CCDC180: variants seen among roughly 807,000 people sequenced by gnomAD.
CCDC180 encodes coiled-coil domain containing 180, also known as coiled-coil domain-containing protein 180.
CCDC180 carries 154 observed loss-of-function variants against 209.2 expected under a neutral mutation model. The observed-to-expected ratio is 0.74, with a 90% CI of 0.65 to 0.84. The LOEUF is 0.84. Among genes scored for constraint, CCDC180 ranks in the 40% least tolerant of loss-of-function variants. The pLI is 0.00. For synonymous variants in CCDC180, 778 were observed against 749.1 expected, an observed-to-expected ratio of 1.04 and a Z score of -0.63; for missense variants, 1,874 against 1,997.3, an observed-to-expected ratio of 0.94 and a Z score of 1.18.
chr9:97,335,433 G>C (rs1224068251), intron 18 of CCDC180, among the ~76,000 whole-genome samples: 1 of 152,012 alleles, frequency 6.6e-6, no homozygotes, highest in African/African-American at 2.4e-5. Context: ...ACAGTGTTTG[G>C]TTTTCTATCC....
At chr9:97,343,882 C>A (rs994445383) in intron 19 of CCDC180, among the ~76,000 whole-genome samples, 2 of 152,164 alleles carry the variant, frequency 1.3e-5, no homozygotes, top group African/African-American at 4.8e-5. Context: ...CATCTGTAAT[C>A]ATAGGCTTCT....
chr9:97,330,300 CTT>C lies in CCDC180; in HGVS notation c.1829-20_1829-19del, dbSNP rs1239844512. The C allele has an allele frequency of 3.1e-6, 5 of 1,612,470 alleles. No individual in the cohort carries two copies. The highest frequency in any genetic ancestry group is 4.2e-6 in the Non-Finnish European group (5 of 1,179,088). ...CATCAGTAAATTGTCTCTCCTTGTG[CTT>C]TGGTGTTTATCATCAACAGAAGCAC... is the stretch of plus-strand genomic sequence containing the variant. On this transcript the variant is annotated intron_variant, in intron 17 of 36. Coordinates refer to ENST00000529487, the MANE Select transcript of CCDC180 (RefSeq NM_020893.6).
At chr9:97,363,650 C>T (rs763200208) in intron 28 of CCDC180, 37 of 524,712 alleles carry the variant, frequency 7.1e-5, no homozygotes, top group East Asian at 1.1e-4. Flanking sequence ...CTGAAAATTA[C>T]GGTGTTTATA....
chr9:97,361,868 C>G lies in CCDC180; in HGVS notation c.3626C>G (p.Pro1209Arg), dbSNP rs753867448. 7.4e-6 allele frequency: 12 copies of G among 1,614,028 alleles called. No individual in the cohort carries two copies. The East Asian group carries it at 2.7e-4, about 36-fold the overall frequency. ...GTGGGGAAGCCCCTGATTGAGGACC[C>G]AGCTGTGGATGTGATCAGGAAGCTC... ...SRVGKPLIED[P>R]AVDVIRKLLQ... Residue 1209 changes from proline (P) to arginine (R), a missense_variant, in exon 27 of 37, where the codon CCA becomes CGA. Transcript: ENST00000529487.
chr9:97,376,651 C>A, intron 36 of CCDC180, 112 bp from the exon 37 acceptor site: 1 of 1,107,354 alleles, frequency 9.0e-7, no homozygotes, highest in Non-Finnish European at 1.3e-6. Flanking sequence ...GAACTCTTGC[C>A]AGTGCCTGGA....
At chr9:97,375,399 G>A in intron 35 of CCDC180, 55 bp from the exon 36 acceptor site, 1 of 1,608,262 alleles carries the variant, frequency 6.2e-7, no homozygotes, top group Non-Finnish European at 8.5e-7. Context: ...GTTGGTAGGT[G>A]GATTATGAAA....
rs760766298 is a variant in CCDC180, at chr9:97,374,592, C to G, written c.4650C>G (p.Leu1550=). The G allele has an allele frequency of 6.2e-7, 1 of 1,614,144 alleles. No homozygotes were observed. Among genetic ancestry groups the G allele is most frequent in the Non-Finnish European group, 8.5e-7 (1 of 1,180,044 alleles). ...QKLSMLIRRK[L]AGLSLKEESE... is the part of the protein sequence containing the mutation. ...TATCAATGCTCATACGAAGGAAACT[C>G]GCTGGGCTCTCCCTGAAGGAAGAGA... Residue 1550 remains leucine (L), a synonymous_variant, in exon 35 of 37, where the codon CTC becomes CTG. Coordinates refer to ENST00000529487, the MANE Select transcript of CCDC180 (RefSeq NM_020893.6).
intron 14 of CCDC180, among the ~76,000 whole-genome samples, chr9:97,325,436 C>T (rs73561841): frequency 0.027 from 4,142 of 152,136 alleles, 189 homozygotes; most frequent in African/African-American, 0.094. Context: ...GATGGTATCA[C>T]GAATCACACA....
At chr9:97,356,207 A>G (rs957112210) in intron 24 of CCDC180, among the ~76,000 whole-genome samples, 4 of 152,198 alleles carry the variant, frequency 2.6e-5, no homozygotes, top group African/African-American at 9.7e-5. Context: ...GGTTATCTGC[A>G]TAGGTCAATG....
chr9:97,318,933 T>A (rs138949305), intron 10 of CCDC180, among the ~76,000 whole-genome samples: 1 of 152,136 alleles, frequency 6.6e-6, no homozygotes, highest in Non-Finnish European at 1.5e-5. Flanking sequence ...CCATGAGCTT[T>A]GCAGTTTGGA....
chr9:97,342,400 G>A (rs758360456), intron 18 of CCDC180, among the ~76,000 whole-genome samples: 10 of 152,026 alleles, frequency 6.6e-5, no homozygotes, highest in Admixed American at 2.0e-4. Flanking sequence ...ATGATCTGCC[G>A]CCTCAGCCTC....
intron 31 of CCDC180, among the ~76,000 whole-genome samples, chr9:97,367,489 C>CA (rs915209797): frequency 1.7e-4 from 25 of 144,654 alleles, no homozygotes; most frequent in Admixed American, 5.7e-4. Flanking sequence ...TTTTCTGAGA[C>CA]AGAGTCTCAC....
chr9:97,370,524 C>G (rs1463993889), intron 32 of CCDC180, 117 bp from the exon 33 acceptor site: 2 of 1,201,100 alleles, frequency 1.7e-6, no homozygotes, highest in Non-Finnish European at 2.4e-6. Context: ...CCCATCACCC[C>G]CACACACCCA....
chr9:97,313,104 C>G, intron 4 of CCDC180, 132 bp from the exon 5 acceptor site: 1 of 610,704 alleles, frequency 1.6e-6, no homozygotes, highest in African/African-American at 1.9e-5. Context: ...TTTCCTTAAG[C>G]CTCTGCCACC....
chr9:97,349,377 G>A, intron 21 of CCDC180, 86 bp downstream of exon 21: 1 of 1,225,144 alleles, frequency 8.2e-7, no homozygotes, highest in East Asian at 2.5e-5. Flanking sequence ...CCCCCTCCCT[G>A]TAGACACAAA....
At chr9:97,370,342 A>G (rs1487162865) in intron 32 of CCDC180, among the ~76,000 whole-genome samples, 2 of 152,176 alleles carry the variant, frequency 1.3e-5, no homozygotes, top group African/African-American at 2.4e-5. Context: ...AGTCATTAAG[A>G]CAGCAATAAT....
chr9:97,334,965 T>C (rs1825857107), intron 18 of CCDC180, among the ~76,000 whole-genome samples: 1 of 152,204 alleles, frequency 6.6e-6, no homozygotes, highest in Non-Finnish European at 1.5e-5. Context: ...ATTTTAAACA[T>C]TTCTCTCATG....
chr9:97,370,930 T>TGGA, intron 33 of CCDC180, 152 bp downstream of exon 33: 1 of 501,942 alleles, frequency 2.0e-6, no homozygotes, highest in Non-Finnish European at 3.4e-6. Context: ...TGGCCATTAT[T>TGGA]GGCTGTTTTA....
chr9:97,317,896 G>A (rs182919654), intron 9 of CCDC180, among the ~76,000 whole-genome samples: 3 of 152,302 alleles, frequency 2.0e-5, no homozygotes, highest in East Asian at 3.9e-4. Context: ...ACCAGATACT[G>A]CATGGAAAGT....
Sources: gnomAD v4.1 joint callset for allele counts (sites outside exome capture counted in the v4.1 genomes callset) on GRCh38, gnomAD v4.1.1 for gene constraint, MANE v1.5 for transcripts, NCBI Gene and HGNC (gene_info 2026-07-23, HGNC 2026-07-21) for gene names.